Variants in STAG1 observed in about 807,000 individuals in gnomAD.
STAG1 encodes cohesin subunit SA-1.
In STAG1, 26 loss-of-function variants were observed where a neutral mutation model predicts 170.9. The ratio of observed to expected loss-of-function variants is 0.15; its 90% CI spans 0.11 to 0.21. The LOEUF is 0.21. Ranked by LOEUF, STAG1 falls within the 10% of genes least tolerant of loss-of-function variation. The pLI, the probability that STAG1 is intolerant of heterozygous loss-of-function variation, is 1.00. For missense variants in STAG1, 964 were observed against 1,509.5 expected (o/e 0.64, Z 5.99); for synonymous variants, 514 against 497.7 (o/e 1.03, Z -0.44).
At chr3:136,575,208 C>G (rs1254985276) in intron 4 of STAG1, among the ~76,000 whole-genome samples, 3 of 152,124 alleles carry the variant, frequency 2.0e-5, no homozygotes, top group Non-Finnish European at 4.4e-5. Context: ...ACCTAAGAAT[C>G]TACCTTTTTG....
chr3:136,567,556 A>T (rs1285800234), intron 5 of STAG1, among the ~76,000 whole-genome samples: 1 of 152,204 alleles, frequency 6.6e-6, no homozygotes, highest in Non-Finnish European at 1.5e-5. Context: ...TCACACATAT[A>T]TACAGAGACA....
chr3:136,344,414 T>A (rs1417525400), intron 29 of STAG1, among the ~76,000 whole-genome samples: 1 of 151,978 alleles, frequency 6.6e-6, no homozygotes, highest in Non-Finnish European at 1.5e-5. Flanking sequence ...CTCGTAGGGG[T>A]CCCAGGCAGT....
chr3:136,575,757 A>G (rs1175515520), intron 4 of STAG1, among the ~76,000 whole-genome samples: 2 of 152,182 alleles, frequency 1.3e-5, no homozygotes, highest in Admixed American at 1.3e-4. Flanking sequence ...GTAATAAGAC[A>G]GCATTTCATG....
At position 136,564,044 on chromosome 3, in the gene STAG1, C is replaced by T. The variant is rs967261524; in HGVS notation, c.394+4721G>A. On this transcript the variant is annotated intron_variant, in intron 5 of 33. Coordinates refer to ENST00000383202, the MANE Select transcript of STAG1 (RefSeq NM_005862.3). The stretch of plus-strand genomic sequence containing the variant: ...TCGAAAAAAAAAATACAGGGAAAAT[C>T]CCTACTTCCATTCACAGACATCTTC... Among the ~76,000 whole-genome samples, 10 of 151,900 alleles carry T rather than the reference C, an allele frequency of 6.6e-5. No individual in the cohort carries two copies. The East Asian group carries it at 1.9e-3, about 29-fold the overall frequency.
At chr3:136,637,677 T>A (rs962132619) in intron 1 of STAG1, among the ~76,000 whole-genome samples, 1 of 152,150 alleles carries the variant, frequency 6.6e-6, no homozygotes, top group African/African-American at 2.4e-5. Context: ...AGTATTCTCA[T>A]ACATCAAACT....
At chr3:136,734,610 G>C (rs1934234215) in intron 1 of STAG1, among the ~76,000 whole-genome samples, 1 of 152,168 alleles carries the variant, frequency 6.6e-6, no homozygotes, top group South Asian at 2.1e-4. Flanking sequence ...CTGACAGGGA[G>C]AAGGGCATCT....
chr3:136,533,910 C>G (rs941295078), intron 6 of STAG1, among the ~76,000 whole-genome samples: 7 of 152,154 alleles, frequency 4.6e-5, no homozygotes, highest in Non-Finnish European at 8.8e-5. Flanking sequence ...CAAAAGAGAA[C>G]TGGAATAGCC....
chr3:136,441,033 T>C (rs1393446997), intron 15 of STAG1, among the ~76,000 whole-genome samples: 1 of 140,246 alleles, frequency 7.1e-6, no homozygotes, highest in Non-Finnish European at 1.6e-5. Context: ...ATCTTTCCTT[T>C]TTTTTTTTTT....
At chr3:136,550,319 T>G (rs1481756402) in intron 5 of STAG1, among the ~76,000 whole-genome samples, 1 of 151,988 alleles carries the variant, frequency 6.6e-6, no homozygotes. Flanking sequence ...GCCTTTTTTT[T>G]TTTTTTGAGA....
intron 7 of STAG1, among the ~76,000 whole-genome samples, chr3:136,513,308 G>C (rs558280137): frequency 6.6e-6 from 1 of 151,982 alleles, no homozygotes; most frequent in East Asian, 1.9e-4. Flanking sequence ...AGCGAGCCAA[G>C]ATCGTGCCAC....
At chr3:136,554,022 T>C (rs1482869917) in intron 5 of STAG1, among the ~76,000 whole-genome samples, 1 of 151,078 alleles carries the variant, frequency 6.6e-6, no homozygotes, top group Non-Finnish European at 1.5e-5. Context: ...ATCTAAAAGA[T>C]ACTGGAACAA....
At chr3:136,736,703 T>A in intron 1 of STAG1, 1 of 1,603,294 alleles carries the variant, frequency 6.2e-7, no homozygotes, top group Non-Finnish European at 8.5e-7. Context: ...TTTCAGCATC[T>A]CTTTGGCTTC....
chr3:136,680,875 C>G (rs1942308820), intron 1 of STAG1, among the ~76,000 whole-genome samples: 1 of 151,006 alleles, frequency 6.6e-6, no homozygotes, highest in African/African-American at 2.4e-5. Context: ...GGGATTGGTT[C>G]CAGGACCCCA....
At chr3:136,613,862 G>A (rs2107819829) in intron 3 of STAG1, among the ~76,000 whole-genome samples, 1 of 152,188 alleles carries the variant, frequency 6.6e-6, no homozygotes, top group East Asian at 1.9e-4. Context: ...GACCCAGACT[G>A]ATTCTTTATA....
chr3:136,691,168 G>A (rs1942709649), intron 1 of STAG1, among the ~76,000 whole-genome samples: 2 of 151,926 alleles, frequency 1.3e-5, no homozygotes, highest in Non-Finnish European at 2.9e-5. Context: ...GGGCGCAGTG[G>A]CTCACGTCTG....
chr3:136,614,785 T>C (rs968700562), intron 3 of STAG1, among the ~76,000 whole-genome samples: 1 of 151,476 alleles, frequency 6.6e-6, no homozygotes. Flanking sequence ...CTAGAAGTTT[T>C]AAGAAACAAA....
chr3:136,710,391 T>C (rs908141668), intron 1 of STAG1, among the ~76,000 whole-genome samples: 1 of 152,210 alleles, frequency 6.6e-6, no homozygotes, highest in African/African-American at 2.4e-5. Flanking sequence ...TTCTGATCCT[T>C]TTCTTCCTCT....
intron 21 of STAG1, among the ~76,000 whole-genome samples, chr3:136,405,258 T>TTTTTTTTTTTTTTTC (rs1560091864): frequency 1.4e-4 from 16 of 115,694 alleles, no homozygotes; most frequent in African/African-American, 5.5e-4. Context: ...TTTTTTTTTT[T>TTTTTTTTTTTTTTTC]TCAGACGAAG....
At chr3:136,457,101 GAA>G (rs2089134040) in intron 13 of STAG1, among the ~76,000 whole-genome samples, 1 of 152,140 alleles carries the variant, frequency 6.6e-6, no homozygotes, top group South Asian at 2.1e-4. Context: ...AAGAGTCTTG[GAA>G]AATGTCCGGG....
Sources: gnomAD v4.1 joint callset for allele counts (sites outside exome capture counted in the v4.1 genomes callset) on GRCh38, gnomAD v4.1.1 for gene constraint, MANE v1.5 for transcripts, NCBI Gene and HGNC (gene_info 2026-07-23, HGNC 2026-07-21) for gene names.